Variants in UNC5D observed in about 807,000 individuals in gnomAD.
The protein encoded by UNC5D is unc-5 netrin receptor D.
Under a neutral mutation model 105.4 loss-of-function variants are expected in UNC5D, and 39 were observed. The ratio of observed to expected loss-of-function variants is 0.37; its 90% confidence interval spans 0.29 to 0.48. The LOEUF (loss-of-function observed/expected upper bound fraction) is 0.48. Ranked by LOEUF, UNC5D falls within the 20% of genes least tolerant of loss-of-function variation. The probability of loss-of-function intolerance (pLI) is 0.98; values close to 1 mark genes in which losing one functional copy is unlikely to be tolerated. For missense variants in UNC5D, 991 were observed against 1,202.4 expected (o/e 0.82, Z 2.60); for synonymous variants, 452 against 450.4 (o/e 1.00, Z -0.04).
intron 8 of UNC5D, among the ~76,000 whole-genome samples, chr8:35,720,700 A>G (rs1404877433): frequency 2.0e-5 from 3 of 152,222 alleles, no homozygotes; most frequent in Non-Finnish European, 4.4e-5. Context: ...TTGGAGAAGT[A>G]GGCTCCATTC....
In UNC5D at chr8:35,791,955, T is replaced by C. The variant is rs1022679394; in HGVS notation, c.*1392T>C. ...TTAAATTATTTTTGACAAGATGTCC[T>C]GGTAGACTAAAGGTGAACAGATTTG... On this transcript the variant is annotated 3_prime_UTR_variant, in exon 17 of 17. Coordinates refer to ENST00000404895, the MANE Select transcript of UNC5D (RefSeq NM_080872.4). 2.4e-4 allele frequency: 37 copies of C among 152,164 alleles called. No individual in the cohort carries two copies. Among genetic ancestry groups the C allele is most frequent in the South Asian group, 2.1e-4 (1 of 4,832 alleles). 9.4% of individuals were successfully genotyped at this position (152,164 alleles called of 1,614,324 possible).
intron 7 of UNC5D, among the ~76,000 whole-genome samples, chr8:35,689,770 C>T (rs1456543595): frequency 6.6e-5 from 10 of 152,080 alleles, no homozygotes; most frequent in South Asian, 4.1e-4. Context: ...TATGGAGGGC[C>T]GTCTGCTTTT....
intron 1 of UNC5D, among the ~76,000 whole-genome samples, chr8:35,532,174 G>A (rs1257059143): frequency 2.0e-5 from 3 of 148,268 alleles, no homozygotes; most frequent in African/African-American, 5.0e-5. Flanking sequence ...TGATTTTGCA[G>A]CGGCTGGTAC....
intron 1 of UNC5D, among the ~76,000 whole-genome samples, chr8:35,442,332 C>G (rs959545973): frequency 1.3e-5 from 2 of 151,800 alleles, no homozygotes; most frequent in Non-Finnish European, 2.9e-5. Flanking sequence ...ATACACCACA[C>G]TAGGTAAACA....
chr8:35,283,470 G>A (rs1441393986), intron 1 of UNC5D, among the ~76,000 whole-genome samples: 1 of 152,054 alleles, frequency 6.6e-6, no homozygotes, highest in East Asian at 1.9e-4. Flanking sequence ...CTTTAAAAAT[G>A]CTCATACCTG....
At chr8:35,548,145 G>A (rs12546560) in intron 1 of UNC5D, among the ~76,000 whole-genome samples, 22,934 of 152,024 alleles carry the variant, frequency 0.15, 2,186 homozygotes, top group East Asian at 0.27. Context: ...ATGTTAATTT[G>A]ACATTTGACA....
At chr8:35,476,059 A>T (rs2589757) in intron 1 of UNC5D, among the ~76,000 whole-genome samples, 40,501 of 152,040 alleles carry the variant, frequency 0.27, 6,298 homozygotes, top group African/African-American at 0.44. Context: ...AAAAGATCTC[A>T]ATTAACAACA....
At chr8:35,532,138 G>GTC (rs1233142719) in intron 1 of UNC5D, among the ~76,000 whole-genome samples, 1 of 145,686 alleles carries the variant, frequency 6.9e-6, no homozygotes, top group African/African-American at 2.6e-5. Flanking sequence ...TTTCTTCCTA[G>GTC]TCTCGATGGT....
chr8:35,605,172 G>T (rs1207950688), intron 4 of UNC5D, among the ~76,000 whole-genome samples: 1 of 152,124 alleles, frequency 6.6e-6, no homozygotes, highest in Non-Finnish European at 1.5e-5. Context: ...CATCTTTGTG[G>T]TTTTATCTAC....
intron 1 of UNC5D, among the ~76,000 whole-genome samples, chr8:35,409,004 A>T (rs1044272463): frequency 6.6e-6 from 1 of 152,122 alleles, no homozygotes; most frequent in Non-Finnish European, 1.5e-5. Context: ...CATTTTCTAA[A>T]GTATCTTATA....
intron 1 of UNC5D, among the ~76,000 whole-genome samples, chr8:35,237,156 A>AT (rs1248593337): frequency 1.8e-5 from 2 of 110,690 alleles, no homozygotes; most frequent in Non-Finnish European, 3.8e-5. Flanking sequence ...TTCTTTGCCC[A>AT]TTTGCATTTC....
chr8:35,299,906 G>A (rs1384868843), intron 1 of UNC5D, among the ~76,000 whole-genome samples: 1 of 152,156 alleles, frequency 6.6e-6, no homozygotes, highest in Non-Finnish European at 1.5e-5. Context: ...ATGCTGTAAA[G>A]TGGAAAGGCA....
chr8:35,748,366 T>C (rs1024243003), intron 11 of UNC5D, among the ~76,000 whole-genome samples, 161 bp from the exon 12 acceptor site: 3 of 152,218 alleles, frequency 2.0e-5, no homozygotes, highest in African/African-American at 7.2e-5. Flanking sequence ...GAGAACTTCA[T>C]GACAAATGCT....
rs376101559 is a variant in UNC5D, at chr8:35,570,171, G to A, written c.466+1930G>A. ...TATAGTATTATCGGTCCTTCTAAAC[G>A]CTTTGCTCTTCTGCATGTCACCCTC... On this transcript the variant is annotated intron_variant, in intron 3 of 16. Coordinates refer to ENST00000404895, the MANE Select transcript of UNC5D (RefSeq NM_080872.4). Among the ~76,000 whole-genome samples the A allele has an allele frequency of 7.9e-5, 12 of 152,192 alleles. No homozygotes were observed. The South Asian group carries it at 8.3e-4, about 11-fold the overall frequency.
chr8:35,302,095 G>A (rs2128871348), intron 1 of UNC5D, among the ~76,000 whole-genome samples: 1 of 152,276 alleles, frequency 6.6e-6, no homozygotes, highest in South Asian at 2.1e-4. Context: ...GGGAAGGAGG[G>A]AGGAAGAAGG....
At chr8:35,559,588 C>CGGG (rs1279795106) in intron 2 of UNC5D, among the ~76,000 whole-genome samples, 1 of 152,180 alleles carries the variant, frequency 6.6e-6, no homozygotes, top group Non-Finnish European at 1.5e-5. Context: ...TGGTAGGCAC[C>CGGG]GGGCTGGGGT....
chr8:35,331,848 G>A (rs1810656268), intron 1 of UNC5D, among the ~76,000 whole-genome samples: 1 of 152,090 alleles, frequency 6.6e-6, no homozygotes, highest in Non-Finnish European at 1.5e-5. Flanking sequence ...ATCTGAAGAT[G>A]GGAAAACACA....
intron 1 of UNC5D, among the ~76,000 whole-genome samples, chr8:35,399,379 T>C (rs898302168): frequency 2.6e-5 from 4 of 152,132 alleles, no homozygotes; most frequent in Admixed American, 1.3e-4. Context: ...CATATAGATC[T>C]ACAAGTTGTA....
chr8:35,396,998 C>T (rs932026439), intron 1 of UNC5D, among the ~76,000 whole-genome samples: 1 of 152,030 alleles, frequency 6.6e-6, no homozygotes, highest in African/African-American at 2.4e-5. Flanking sequence ...CCTCTGCCTT[C>T]CAGGTTCAAG....
Sources: allele counts gnomAD v4.1 joint callset (sites outside exome capture counted in the v4.1 genomes callset), GRCh38; gene constraint gnomAD v4.1.1; transcripts MANE v1.5; gene names NCBI Gene and HGNC (gene_info 2026-07-23, HGNC 2026-07-21).